Variants in CNTNAP5 observed in about 807,000 individuals in gnomAD.
The protein encoded by CNTNAP5 is contactin associated protein family member 5.
A neutral mutation model predicts 150.2 loss-of-function variants in CNTNAP5; 72 were observed. That is an observed-to-expected ratio of 0.48 (90% CI 0.40 to 0.58). CNTNAP5 has a LOEUF of 0.58. Ranked by LOEUF, CNTNAP5 falls within the 20% of genes least tolerant of loss-of-function variation. The pLI is 0.00. For missense variants in CNTNAP5, 1,636 were observed against 1,626.2 expected (o/e 1.01, Z -0.10); for synonymous variants, 672 against 619.8 (o/e 1.08, Z -1.25).
chr2:124,887,846 C>A (rs1015814493), intron 21 of CNTNAP5, among the ~76,000 whole-genome samples: 1 of 152,062 alleles, frequency 6.6e-6, no homozygotes, highest in African/African-American at 2.4e-5. Context: ...GACAGACAGG[C>A]GAGTCCAAGA....
chr2:124,661,223 T>C (rs1678583878), intron 13 of CNTNAP5, among the ~76,000 whole-genome samples: 1 of 151,922 alleles, frequency 6.6e-6, no homozygotes, highest in Non-Finnish European at 1.5e-5. Context: ...ATTTGCATTT[T>C]TAACATTTTT....
chr2:124,478,190 T>C (rs973834050), intron 7 of CNTNAP5, among the ~76,000 whole-genome samples: 4 of 152,078 alleles, frequency 2.6e-5, no homozygotes, highest in Non-Finnish European at 4.4e-5. Context: ...GCTTTCACCG[T>C]TTCGTTTTCT....
chr2:124,194,478 G>T (rs1685537131), intron 1 of CNTNAP5, among the ~76,000 whole-genome samples: 1 of 149,038 alleles, frequency 6.7e-6, no homozygotes, highest in South Asian at 2.1e-4. Flanking sequence ...TCTAGAACAT[G>T]TGGTAAACTG....
At chr2:124,253,059 T>C (rs1392873240) in intron 3 of CNTNAP5, among the ~76,000 whole-genome samples, 2 of 151,716 alleles carry the variant, frequency 1.3e-5, no homozygotes, top group Non-Finnish European at 2.9e-5. Context: ...TATGTTTTTA[T>C]ATTTGTAGAT....
chr2:124,639,492 G>C (rs11123056), intron 12 of CNTNAP5, among the ~76,000 whole-genome samples: 57,794 of 151,970 alleles, frequency 0.38, 12,902 homozygotes, highest in Non-Finnish European at 0.51. Context: ...CCGGTACAAG[G>C]AGATATAAAT....
intron 22 of CNTNAP5, 100 bp from the exon 23 acceptor site, chr2:124,911,367 G>A: frequency 1.3e-6 from 1 of 790,950 alleles, no homozygotes. Context: ...AGGGCACCTG[G>A]TGTAATGCAC....
intron 1 of CNTNAP5, among the ~76,000 whole-genome samples, chr2:124,154,791 T>C (rs1684485214): frequency 2.0e-5 from 3 of 151,824 alleles, no homozygotes. Context: ...AGCCCAGGGG[T>C]TCTTCTCCTG....
intron 19 of CNTNAP5, among the ~76,000 whole-genome samples, chr2:124,829,642 A>T (rs1160149369): frequency 6.6e-6 from 1 of 151,966 alleles, no homozygotes; most frequent in Admixed American, 6.6e-5. Context: ...TGGAACATGC[A>T]TTTGCATATT....
intron 13 of CNTNAP5, among the ~76,000 whole-genome samples, chr2:124,723,348 A>T (rs912440751): frequency 2.0e-5 from 3 of 152,164 alleles, no homozygotes; most frequent in Non-Finnish European, 4.4e-5. Context: ...AATTTCCAGT[A>T]ACATGCTCCT....
intron 1 of CNTNAP5, among the ~76,000 whole-genome samples, chr2:124,067,081 A>G (rs929068045): frequency 6.6e-6 from 1 of 152,172 alleles, no homozygotes; most frequent in Non-Finnish European, 1.5e-5. Context: ...TGTCTTCTAG[A>G]TGCTTTGCAC....
intron 3 of CNTNAP5, among the ~76,000 whole-genome samples, chr2:124,307,737 G>A (rs1178926048): frequency 6.6e-6 from 1 of 152,184 alleles, no homozygotes; most frequent in Non-Finnish European, 1.5e-5. Flanking sequence ...TAGGTTTCAA[G>A]CAAAGAAGAA....
rs995120801 is a variant in CNTNAP5, at chr2:124,916,926, G to A, written c.*2638G>A. Among the ~76,000 whole-genome samples the A allele has an allele frequency of 2.0e-5, 3 of 151,994 alleles. No homozygotes were observed. The highest frequency in any genetic ancestry group is 4.4e-5 in the Non-Finnish European group (3 of 67,960). On this transcript the variant is annotated 3_prime_UTR_variant, in exon 24 of 24. Coordinates refer to ENST00000682447, the MANE Select transcript of CNTNAP5 (RefSeq NM_001367498.1). ...AACTTTCACTAGATATATATGAAAT[G>A]CAAGTGATCCGTACCCTCCAAAGTA...
At chr2:124,566,201 A>C (rs1696021172) in intron 11 of CNTNAP5, among the ~76,000 whole-genome samples, 1 of 152,184 alleles carries the variant, frequency 6.6e-6, no homozygotes, top group Non-Finnish European at 1.5e-5. Flanking sequence ...GAGACAACTG[A>C]AATGGCCATC....
At chr2:124,556,503 T>G (rs1416856074) in intron 10 of CNTNAP5, among the ~76,000 whole-genome samples, 1 of 152,240 alleles carries the variant, frequency 6.6e-6, no homozygotes, top group Non-Finnish European at 1.5e-5. Context: ...TATTTTAAAA[T>G]ATGATCTGCC....
chr2:124,866,068 C>T (rs1224454925), intron 20 of CNTNAP5, among the ~76,000 whole-genome samples: 1 of 151,818 alleles, frequency 6.6e-6, no homozygotes, highest in African/African-American at 2.4e-5. Context: ...TCGAGACTAG[C>T]CTGGCCAACA....
chr2:124,711,785 G>T (rs1004761108), intron 13 of CNTNAP5, among the ~76,000 whole-genome samples: 9 of 152,078 alleles, frequency 5.9e-5, no homozygotes, highest in African/African-American at 2.2e-4. Context: ...AGGTTGCAGT[G>T]AGCCAAGATA....
chr2:124,105,193 G>A (rs1249695542), intron 1 of CNTNAP5, among the ~76,000 whole-genome samples: 9 of 152,178 alleles, frequency 5.9e-5, no homozygotes. Context: ...TTTTGAGGAT[G>A]CACAGTATTA....
chr2:124,789,395 T>A (rs1372456111), intron 17 of CNTNAP5, among the ~76,000 whole-genome samples: 1 of 152,166 alleles, frequency 6.6e-6, no homozygotes, highest in Non-Finnish European at 1.5e-5. Flanking sequence ...GACATGTATT[T>A]TTTTCTTAAC....
Position 124,103,191 on chromosome 2 carries a change from A to G in CNTNAP5, c.82+77459A>G, listed in dbSNP as rs571909311. 9.7e-4 allele frequency among the ~76,000 whole-genome samples: 148 copies of G among 152,362 alleles called. 1 individual carries two copies. Among genetic ancestry groups the G allele is most frequent in the South Asian group, 9.1e-3 (44 of 4,828 alleles). ...AAAAAAGTCTTACAAAATAAGAATT[A>G]TAAAATATTTTGTATAGTGGGGCAA... On this transcript the variant is annotated intron_variant, in intron 1 of 23. Transcript: ENST00000682447.
Sources: gnomAD v4.1 joint callset for allele counts (sites outside exome capture counted in the v4.1 genomes callset) on GRCh38, gnomAD v4.1.1 for gene constraint, MANE v1.5 for transcripts, NCBI Gene and HGNC (gene_info 2026-07-23, HGNC 2026-07-21) for gene names.